Variants in SCARB2 observed in about 807,000 individuals in gnomAD.
SCARB2 encodes scavenger receptor class B member 2.
A neutral mutation model predicts 58.6 loss-of-function variants in SCARB2; 29 were observed. The ratio of observed to expected loss-of-function variants is 0.49; its 90% CI spans 0.37 to 0.67. The LOEUF is 0.67. SCARB2 is among the 30% of genes least tolerant of loss of function. The pLI, the probability that SCARB2 is intolerant of heterozygous loss-of-function variation, is 0.00. For missense variants in SCARB2, 488 were observed against 578.5 expected (o/e 0.84, Z 1.60); for synonymous variants, 195 against 210.1 (o/e 0.93, Z 0.62).
intron 1 of SCARB2, 89 bp downstream of exon 1, chr4:76,213,338 G>A: frequency 1.1e-6 from 1 of 897,824 alleles, no homozygotes; most frequent in Non-Finnish European, 1.8e-6. Flanking sequence ...CTGCCTGAGT[G>A]CTGGTCTTTC....
intron 4 of SCARB2, chr4:76,179,313 C>G (rs938682142): frequency 1.8e-6 from 1 of 570,846 alleles, no homozygotes; most frequent in Non-Finnish European, 3.1e-6. Context: ...CTCGGTCTCC[C>G]AAAGTCCTGG....
chr4:76,206,962 C>G (rs1394720230), intron 1 of SCARB2, among the ~76,000 whole-genome samples: 1 of 152,062 alleles, frequency 6.6e-6, no homozygotes, highest in East Asian at 1.9e-4. Flanking sequence ...AAAACATTAA[C>G]AAGATAGCTT....
chr4:76,214,192 G>A (rs1733153275), upstream of SCARB2: 5 of 453,440 alleles, frequency 1.1e-5, no homozygotes, highest in Admixed American at 1.2e-4. Flanking sequence ...CTGCTCTAGA[G>A]GCGCTCGCAA....
rs1732338247 is a variant in SCARB2 at position 76,179,678 on chromosome 4, A to G, written c.451T>C (p.Phe151Leu). The change falls in exon 4 of 12, where the codon TTC (phenylalanine) becomes CTC (leucine). Residue 151 changes from phenylalanine to leucine, a missense_variant. Physicochemically the swap from Phe to Leu is conservative, Grantham distance 22. Coordinates refer to ENST00000264896, the MANE Select transcript of SCARB2 (RefSeq NM_005506.4). Reference sequence around the variant, plus strand: ...ATGGCCTCGATGATCTCCCTGAGGAAGTGCACCTGGGACCACTCTATGACA... The same window carrying G: ...ATGGCCTCGATGATCTCCCTGAGGAGGTGCACCTGGGACCACTCTATGACA... ...LTVIEWSQVH[F>L]LREIIEAMLK... The G allele has an allele frequency of 1.9e-6, 3 of 1,613,588 alleles. No homozygotes were observed. The highest frequency in any genetic ancestry group is 2.5e-6 in the Non-Finnish European group (3 of 1,179,584).
chr4:76,181,199 C>T (rs1732376390), intron 2 of SCARB2, 98 bp from the exon 3 acceptor site: 2 of 1,229,126 alleles, frequency 1.6e-6, no homozygotes, highest in African/African-American at 3.0e-5. Context: ...TTCAATATAA[C>T]ATTCCCAATA....
chr4:76,206,986 A>T (rs985343101), intron 1 of SCARB2, among the ~76,000 whole-genome samples: 3 of 152,230 alleles, frequency 2.0e-5, no homozygotes, highest in Admixed American at 2.0e-4. Flanking sequence ...AACTGGCCTT[A>T]CAGGAATATA....
rs567380815 is a variant in SCARB2 at position 76,195,986 on chromosome 4, C to A, written c.118-122G>T. The A allele has an allele frequency of 4.4e-6, 3 of 675,840 alleles. No individual in the cohort carries two copies. The East Asian group carries it at 8.2e-5, about 18-fold the overall frequency. 41.9% of individuals were successfully genotyped at this position (675,840 alleles called of 1,614,324 possible). A position where few individuals can be genotyped will look rare whatever the true frequency, so the allele number is the denominator to read the frequency against. ...CTAGATCACTATTTTAATCATTTCA[C>A]AGGCATTCAACTGCAGTCTCCTGAG... On this transcript the variant is annotated intron_variant, in intron 1 of 11. Transcript: ENST00000264896.
In SCARB2 at chr4:76,174,642, G is replaced by T. The variant is rs918202639; in HGVS notation, c.825-329C>A. On this transcript the variant is annotated intron_variant, in intron 6 of 11. Coordinates refer to ENST00000264896, the MANE Select transcript of SCARB2 (RefSeq NM_005506.4). ...TCTAGACCTGCATGGACATATGCCA[G>T]TGTGGACGGGCCACCGGCAAAGCCA... is the stretch of plus-strand genomic sequence containing the variant. 7 of 319,076 alleles carry T rather than the reference G, an allele frequency of 2.2e-5. No homozygotes were observed. In the East Asian group the frequency reaches 4.2e-4, roughly 19 times the overall value. 19.8% of individuals were successfully genotyped at this position (319,076 alleles called of 1,614,324 possible).
intron 2 of SCARB2, among the ~76,000 whole-genome samples, chr4:76,181,921 T>C (rs1351118543): frequency 6.6e-6 from 1 of 152,090 alleles, no homozygotes; most frequent in African/African-American, 2.4e-5. Context: ...AAATGAAGCA[T>C]TAGAAAGTTC....
chr4:76,222,603 C>G (rs1189325088), intron 1 of SCARB2, among the ~76,000 whole-genome samples: 6 of 152,182 alleles, frequency 3.9e-5, no homozygotes, highest in Non-Finnish European at 5.9e-5. Flanking sequence ...CTCTCAAGTT[C>G]CGGGTAATCA....
chr4:76,204,159 T>C (rs76014947), intron 1 of SCARB2, among the ~76,000 whole-genome samples: 3,601 of 152,278 alleles, frequency 0.024, 126 homozygotes, highest in African/African-American at 0.082. Flanking sequence ...CACCAATTGA[T>C]TTGCTTTGTT....
chr4:76,211,300 A>G lies in SCARB2; in HGVS notation c.117+2127T>C, dbSNP rs114072260. Among the ~76,000 whole-genome samples the G allele has an allele frequency of 5.7e-3, 867 of 152,362 alleles. 7 individuals are homozygous for G. Among genetic ancestry groups the G allele is most frequent in the African/African-American group, 0.019 (795 of 41,586 alleles). ...TCATGGTAAATGCATCACTGTGCCC[A>G]AGTTAGCTAACAGCTCATATCCCCA... On this transcript the variant is annotated intron_variant, in intron 1 of 11. Coordinates refer to ENST00000264896, the MANE Select transcript of SCARB2 (RefSeq NM_005506.4).
At chr4:76,231,494 C>T (rs4859433) in intron 1 of SCARB2, among the ~76,000 whole-genome samples, 89,153 of 152,018 alleles carry the variant, frequency 0.59, 27,017 homozygotes, top group East Asian at 0.99. Flanking sequence ...TTTTGAAACA[C>T]GATTTCTCAC....
At position 76,187,620 on chromosome 4, in the gene SCARB2, A is replaced by T. The variant is rs111936431; in HGVS notation, c.276-6519T>A. On this transcript the variant is annotated intron_variant, in intron 2 of 11. Coordinates refer to ENST00000264896, the MANE Select transcript of SCARB2 (RefSeq NM_005506.4). ...TGAATAAAAAATATGTATATTTTGT[A>T]TATGTACATGCATATGTACATAGTA... Among the ~76,000 whole-genome samples the T allele has an allele frequency of 3.7e-3, 565 of 152,342 alleles. 5 individuals are homozygous for T. Among genetic ancestry groups the T allele is most frequent in the African/African-American group, 0.013 (538 of 41,578 alleles).
chr4:76,198,790 C>G lies in SCARB2; in HGVS notation c.118-2926G>C, dbSNP rs1732766418. Among the ~76,000 whole-genome samples, 3 of 151,762 alleles carry G rather than the reference C, an allele frequency of 2.0e-5. No individual in the cohort carries two copies. In the South Asian group the frequency reaches 6.2e-4, roughly 31 times the overall value. On this transcript the variant is annotated intron_variant, in intron 1 of 11. Transcript: ENST00000264896. ...TCCACCTTACAAGTTGGATGTTTGT[C>G]AGGAAACCCTCTGTCAATCCCAGAG...
chr4:76,176,321 G>A (rs1487852433), intron 5 of SCARB2, 116 bp downstream of exon 5: 5 of 696,112 alleles, frequency 7.2e-6, no homozygotes, highest in African/African-American at 5.4e-5. Context: ...CTATTTACAT[G>A]TTTTTATATT....
rs574498998 is a variant in SCARB2 at position 76,166,295 on chromosome 4, C to T, written c.1194G>A (p.Thr398=). The part of the protein sequence containing the change: ...YVKKLDDFVE[T]GDIRTMVFPV... ...GGAAAACCATGGTTCTAATGTCTCC[C>T]GTTTCACTACAAAGACAAAGGATGA... The change falls in exon 10 of 12, where the codon ACG becomes ACA. Residue 398 remains threonine, a synonymous_variant. Coordinates refer to ENST00000264896, the MANE Select transcript of SCARB2 (RefSeq NM_005506.4). 7 of 1,614,086 alleles carry T rather than the reference C, an allele frequency of 4.3e-6. No individual in the cohort carries two copies. Among genetic ancestry groups the T allele is most frequent in the African/African-American group, 1.3e-5 (1 of 75,012 alleles).
intron 2 of SCARB2, chr4:76,193,709 T>C (rs1560715314): frequency 6.6e-6 from 1 of 152,250 alleles, no homozygotes; most frequent in Non-Finnish European, 1.5e-5. Flanking sequence ...GATACACCCA[T>C]TGTATCTTGA....
intron 1 of SCARB2, among the ~76,000 whole-genome samples, chr4:76,200,417 AAAAT>A (rs1263483821): frequency 4.6e-5 from 7 of 152,356 alleles, no homozygotes; most frequent in Admixed American, 4.6e-4. Flanking sequence ...AAAATACTGG[AAAAT>A]TATCAAGTTC....
Sources: gnomAD v4.1 joint callset for allele counts (sites outside exome capture counted in the v4.1 genomes callset) on GRCh38, gnomAD v4.1.1 for gene constraint, MANE v1.5 for transcripts, NCBI Gene and HGNC (gene_info 2026-07-23, HGNC 2026-07-21) for gene names.